ATF6: variants seen among roughly 807,000 people sequenced by gnomAD.
ATF6 encodes cyclic AMP-dependent transcription factor ATF-6 alpha.
A neutral mutation model predicts 83.6 loss-of-function variants in ATF6; 53 were observed. The observed-to-expected ratio is 0.63, with a 90% confidence interval of 0.51 to 0.80. The LOEUF (loss-of-function observed/expected upper bound fraction) is 0.80. Among genes scored for constraint, ATF6 ranks in the 30% least tolerant of loss-of-function variants. The pLI is 0.00. For synonymous variants in ATF6, 288 were observed against 285.8 expected (o/e 1.01, Z -0.08); for missense variants, 744 against 797.9 (o/e 0.93, Z 0.81).
intron 7 of ATF6, among the ~76,000 whole-genome samples, chr1:161,818,060 C>T (rs1022552948): frequency 4.7e-5 from 7 of 147,662 alleles, no homozygotes; most frequent in Non-Finnish European, 8.9e-5. Context: ...GAGATCTCCC[C>T]ACCGTACTCC....
chr1:161,777,016 A>C (rs557831993), intron 1 of ATF6, among the ~76,000 whole-genome samples: 1 of 152,358 alleles, frequency 6.6e-6, no homozygotes, highest in Admixed American at 6.5e-5. Context: ...TCAAGTGAAG[A>C]AAATGCTTCA....
intron 14 of ATF6, among the ~76,000 whole-genome samples, chr1:161,877,832 T>C: frequency 6.6e-6 from 1 of 152,088 alleles, no homozygotes; most frequent in East Asian, 1.9e-4. Context: ...TAAATACATT[T>C]TGTGGATAGA....
rs1200666749 is a variant in ATF6 at position 161,774,415 on chromosome 1, A to G, written c.83-3829A>G. Among the ~76,000 whole-genome samples the G allele has an allele frequency of 2.6e-5, 4 of 151,436 alleles. No individual in the cohort carries two copies. The East Asian group carries it at 7.7e-4, about 29-fold the overall frequency. ...TTGGATTATGGATATGTACACACAC[A>G]CACACACACACACACACACACATAC... is the stretch of plus-strand genomic sequence containing the variant. On this transcript the variant is annotated intron_variant, in intron 1 of 15. Coordinates refer to ENST00000367942, the MANE Select transcript of ATF6 (RefSeq NM_007348.4).
In ATF6 at chr1:161,791,437, G is replaced by A. The variant is rs2101741318; in HGVS notation, c.384G>A (p.Gln128=). 1 of 1,611,156 alleles carries A rather than the reference G, an allele frequency of 6.2e-7. No individual in the cohort carries two copies. ...AGTTGGATTTGTCTTCTAGTTCTCA[G>A]ATGTCTCCCCTTTCCTTATATGGTG... ...PEELDLSSSS[Q]MSPLSLYGEN... The change falls in exon 5 of 16, where the codon CAG becomes CAA. Residue 128 remains glutamine, a synonymous_variant. Coordinates refer to ENST00000367942, the MANE Select transcript of ATF6 (RefSeq NM_007348.4).
intron 15 of ATF6, among the ~76,000 whole-genome samples, chr1:161,920,290 CTCTCTTT>C (rs1359591394): frequency 4.4e-4 from 11 of 25,174 alleles, no homozygotes; most frequent in Admixed American, 3.4e-3. Context: ...CTCTCTCTCT[CTCTCTTT>C]TTTTTTTTTT....
intron 15 of ATF6, among the ~76,000 whole-genome samples, chr1:161,942,173 C>T (rs190654572): frequency 2.0e-5 from 3 of 152,304 alleles, no homozygotes; most frequent in African/African-American, 7.2e-5. Flanking sequence ...TCGTTTCATA[C>T]AGTGGTGTTA....
chr1:161,892,046 C>T (rs994179487), intron 14 of ATF6: 4 of 152,152 alleles, frequency 2.6e-5, no homozygotes, highest in Non-Finnish European at 4.4e-5. Context: ...TTCTGCTATC[C>T]GTTGAACTTT....
At chr1:161,938,359 A>T (rs1026176698) in intron 15 of ATF6, among the ~76,000 whole-genome samples, 1 of 152,246 alleles carries the variant, frequency 6.6e-6, no homozygotes, top group Non-Finnish European at 1.5e-5. Flanking sequence ...AATTGCCTAT[A>T]AATGGAGTAT....
chr1:161,837,120 T>C (rs1686240277), intron 9 of ATF6, among the ~76,000 whole-genome samples: 1 of 152,144 alleles, frequency 6.6e-6, no homozygotes, highest in Admixed American at 6.5e-5. Flanking sequence ...ACATAAATAA[T>C]AAAGGAAATA....
intron 10 of ATF6, among the ~76,000 whole-genome samples, chr1:161,847,234 C>A (rs3767637): frequency 0.26 from 39,760 of 151,700 alleles, 8,729 homozygotes; most frequent in African/African-American, 0.61. Flanking sequence ...GGAGCCAGGT[C>A]CTTGACTAAC....
rs71798307 is a variant in ATF6, at chr1:161,920,294, C to CTTTTTTTTTTTTTTTTTTTTTTTTTTTTT, written c.1804+7932_1804+7933insTTTTTTTTTTTTTTTTTTTTTTTTTTTTT. 6.0e-4 allele frequency among the ~76,000 whole-genome samples: 33 copies of CTTTTTTTTTTTTTTTTTTTTTTTTTTTTT among 54,838 alleles called. 13 individuals carry two copies. The highest frequency in any genetic ancestry group is 8.9e-4 in the South Asian group (1 of 1,118). The allele number at this position is 54,838 out of a possible 152,430, so 36.0% of individuals were successfully genotyped here. On this transcript the variant is annotated intron_variant, in intron 15 of 15. Transcript: ENST00000367942. ...TAGTTCTCTTTCTCTCTCTCTCTCT[C>CTTTTTTTTTTTTTTTTTTTTTTTTTTTTT]TTTTTTTTTTTTTTTTTTGAGACAG...
At chr1:161,941,866 G>A (rs1004097677) in intron 15 of ATF6, among the ~76,000 whole-genome samples, 4 of 152,130 alleles carry the variant, frequency 2.6e-5, no homozygotes, top group African/African-American at 9.7e-5. Context: ...TGTTTCCACT[G>A]TGTGATAGAG....
In ATF6 at chr1:161,963,612, A is replaced by G. The variant is rs1333210531; in HGVS notation, c.*4958A>G. 1.3e-5 allele frequency: 2 copies of G among 152,238 alleles called. No individual in the cohort carries two copies. Among genetic ancestry groups the G allele is most frequent in the African/African-American group, 2.4e-5 (1 of 41,452 alleles). 9.4% of individuals were successfully genotyped at this position (152,238 alleles called of 1,614,324 possible). The stretch of plus-strand genomic sequence containing the variant: ...TTTATGTTAATCCCAGCTAGAGATT[A>G]GTAGGTTGACTTTCACAGCAATTGT... On this transcript the variant is annotated 3_prime_UTR_variant, in exon 16 of 16. Coordinates refer to ENST00000367942, the MANE Select transcript of ATF6 (RefSeq NM_007348.4).
At chr1:161,882,765 G>A (rs537283872) in intron 14 of ATF6, among the ~76,000 whole-genome samples, 2 of 150,790 alleles carry the variant, frequency 1.3e-5, no homozygotes, top group Admixed American at 6.6e-5. Context: ...GACAAATCTC[G>A]GTTTTAATTT....
At chr1:161,907,419 G>T (rs1364217896) in intron 14 of ATF6, among the ~76,000 whole-genome samples, 1 of 152,138 alleles carries the variant, frequency 6.6e-6, no homozygotes, top group African/African-American at 2.4e-5. Flanking sequence ...GAATCCAGTG[G>T]ATATGGGCCA....
chr1:161,795,133 G>A (rs570908396), intron 6 of ATF6, among the ~76,000 whole-genome samples: 11 of 151,630 alleles, frequency 7.3e-5, no homozygotes, highest in Admixed American at 2.6e-4. Context: ...ATACTGTATC[G>A]CCTTAAAAAA....
intron 1 of ATF6, among the ~76,000 whole-genome samples, chr1:161,768,929 G>A (rs1468082568): frequency 6.6e-6 from 1 of 152,082 alleles, no homozygotes; most frequent in African/African-American, 2.4e-5. Context: ...TATGTAATTA[G>A]TATGTCCTGT....
chr1:161,907,278 G>A (rs1165606402), intron 14 of ATF6, among the ~76,000 whole-genome samples: 1 of 152,162 alleles, frequency 6.6e-6, no homozygotes, highest in Non-Finnish European at 1.5e-5. Context: ...GAAAACAAAA[G>A]CTCTCTAGGA....
intron 9 of ATF6, among the ~76,000 whole-genome samples, chr1:161,826,007 A>G (rs1433912667): frequency 1.3e-5 from 2 of 152,220 alleles, no homozygotes; most frequent in Non-Finnish European, 2.9e-5. Context: ...AGGAAATTCC[A>G]AGGGTTTTAG....
Sources: allele counts gnomAD v4.1 joint callset (sites outside exome capture counted in the v4.1 genomes callset), GRCh38; gene constraint gnomAD v4.1.1; transcripts MANE v1.5; gene names NCBI Gene and HGNC (gene_info 2026-07-23, HGNC 2026-07-21).